The following RIMS2 variants were observed in gnomAD, a reference collection of about 807,000 sequenced individuals.
RIMS2 encodes regulating synaptic membrane exocytosis 2.
A neutral mutation model predicts 174.4 loss-of-function variants in RIMS2; 59 were observed. That is an observed-to-expected ratio of 0.34 (90% CI 0.27 to 0.42). The LOEUF (loss-of-function observed/expected upper bound fraction) is 0.42, where lower values mean the gene tolerates loss of function less well. Among genes scored for constraint, RIMS2 ranks in the 10% least tolerant of loss-of-function variants. RIMS2 has a pLI of 1.00. For synonymous variants in RIMS2, 606 were observed against 572.5 expected, an observed-to-expected ratio of 1.06 and a Z score of -0.84; for missense variants, 1,620 against 1,666.3, an observed-to-expected ratio of 0.97 and a Z score of 0.48.
At chr8:103,920,318 C>G (rs1475989675) in intron 9 of RIMS2, among the ~76,000 whole-genome samples, 1 of 152,046 alleles carries the variant, frequency 6.6e-6, no homozygotes, top group East Asian at 1.9e-4. Flanking sequence ...CCCTACATGC[C>G]TGGATGTTCA....
At chr8:103,882,790 A>G (rs531166109) in intron 3 of RIMS2, among the ~76,000 whole-genome samples, 38 of 151,822 alleles carry the variant, frequency 2.5e-4, no homozygotes, top group Middle Eastern at 6.8e-3. Flanking sequence ...ACTGAATTCC[A>G]TAATAGGAAG....
intron 3 of RIMS2, chr8:103,768,207 G>T (rs2098201646): frequency 2.5e-6 from 1 of 394,734 alleles, no homozygotes; most frequent in African/African-American, 2.1e-5. Context: ...TAAAAAATGA[G>T]TGAATGAATG....
At chr8:104,242,050 A>G (rs1435402424) in intron 19 of RIMS2, among the ~76,000 whole-genome samples, 3 of 152,098 alleles carry the variant, frequency 2.0e-5, no homozygotes, top group African/African-American at 7.2e-5. Context: ...GTGAGCCATC[A>G]TGCCCAGCCT....
intron 16 of RIMS2, among the ~76,000 whole-genome samples, chr8:103,981,142 T>G (rs1011521746): frequency 6.6e-6 from 1 of 152,208 alleles, no homozygotes; most frequent in Non-Finnish European, 1.5e-5. Flanking sequence ...AATGCTGTTC[T>G]GGCTTCAGGT....
chr8:104,060,107 C>G (rs571321975), intron 19 of RIMS2, among the ~76,000 whole-genome samples: 2 of 151,886 alleles, frequency 1.3e-5, no homozygotes, highest in South Asian at 4.2e-4. Flanking sequence ...GGAGGATTCC[C>G]TCTTTTTCTA....
chr8:104,008,668 A>G (rs1286005630), intron 17 of RIMS2, among the ~76,000 whole-genome samples: 1 of 151,934 alleles, frequency 6.6e-6, no homozygotes, highest in Non-Finnish European at 1.5e-5. Flanking sequence ...TTTGATAATA[A>G]AATAATAGGC....
At chr8:103,912,702 G>A (rs568233778) in intron 6 of RIMS2, among the ~76,000 whole-genome samples, 1 of 152,014 alleles carries the variant, frequency 6.6e-6, no homozygotes, top group South Asian at 2.1e-4. Flanking sequence ...TATGCTGGGA[G>A]ATTAAATACA....
At chr8:104,186,140 A>C (rs960391003) in intron 19 of RIMS2, among the ~76,000 whole-genome samples, 2 of 151,808 alleles carry the variant, frequency 1.3e-5, no homozygotes, top group South Asian at 2.1e-4. Flanking sequence ...CAGATGCAGA[A>C]AGGCAAATAC....
At chr8:103,723,465 C>A (rs762521068) in intron 2 of RIMS2, among the ~76,000 whole-genome samples, 5 of 152,192 alleles carry the variant, frequency 3.3e-5, no homozygotes, top group Non-Finnish European at 7.3e-5. Context: ...TGGCTTGGTA[C>A]CTGGGTCAGT....
intron 1 of RIMS2, among the ~76,000 whole-genome samples, chr8:103,635,326 G>A (rs1364581747): frequency 6.6e-6 from 1 of 152,180 alleles, no homozygotes; most frequent in African/African-American, 2.4e-5. Context: ...GTCCCTGGAG[G>A]CTCTGTCCAG....
intron 14 of RIMS2, among the ~76,000 whole-genome samples, chr8:103,956,538 G>T (rs1400798787): frequency 6.6e-6 from 1 of 152,110 alleles, no homozygotes; most frequent in Non-Finnish European, 1.5e-5. Flanking sequence ...TCAGAAAAGT[G>T]GCTAGCCATA....
intron 3 of RIMS2, among the ~76,000 whole-genome samples, chr8:103,837,000 G>A (rs1242523991): frequency 2.6e-5 from 4 of 152,132 alleles, no homozygotes; most frequent in Non-Finnish European, 5.9e-5. Flanking sequence ...TTTTCTCTAC[G>A]TATTTTTTAT....
exon 11 of RIMS2, chr8:103,927,859 A>G (rs751868979): frequency 6.2e-7 from 1 of 1,608,414 alleles, no homozygotes; most frequent in Non-Finnish European, 8.5e-7. Context: ...GCCTTAGTAG[A>G]AGAACAACGC....
chr8:103,817,331 T>TTG (rs149397577), intron 3 of RIMS2, among the ~76,000 whole-genome samples: 23 of 151,764 alleles, frequency 1.5e-4, no homozygotes, highest in African/African-American at 2.9e-4. Flanking sequence ...AGGTGTGCAT[T>TTG]TGTGTGTGTG....
At chr8:103,907,130 T>C (rs1014679020) in intron 4 of RIMS2, among the ~76,000 whole-genome samples, 5 of 152,206 alleles carry the variant, frequency 3.3e-5, no homozygotes, top group Admixed American at 2.0e-4. Flanking sequence ...GGAAGGCTTG[T>C]TAAAATATAG....
At chr8:103,706,871 A>AT (rs1347376068) in intron 2 of RIMS2, among the ~76,000 whole-genome samples, 3 of 151,988 alleles carry the variant, frequency 2.0e-5, no homozygotes, top group South Asian at 2.1e-4. Flanking sequence ...CTTTAAATAC[A>AT]TTTTTTACCC....
intron 1 of RIMS2, among the ~76,000 whole-genome samples, chr8:103,594,107 C>T (rs1293936344): frequency 6.6e-6 from 1 of 151,524 alleles, no homozygotes; most frequent in African/African-American, 2.4e-5. Flanking sequence ...TATTTTTGGG[C>T]GTGTACATGT....
chr8:103,672,870 C>G (rs538674301), intron 1 of RIMS2, among the ~76,000 whole-genome samples: 2 of 152,090 alleles, frequency 1.3e-5, no homozygotes, highest in Admixed American at 1.3e-4. Flanking sequence ...GTCCAAAGTC[C>G]GAAGTTTCAT....
chr8:104,169,906 A>G lies in RIMS2; in HGVS notation c.3335-75010A>G, dbSNP rs186602303. ...AATTTCAAGGAATTTTTTAATTTCC[A>G]TCTTAATTGTTAACCCAAAAATGAT... On this transcript the variant is annotated intron_variant, in intron 19 of 23. Transcript: ENST00000504942. Among the ~76,000 whole-genome samples the G allele has an allele frequency of 2.0e-3, 300 of 152,102 alleles. 1 individual carries two copies. The highest frequency in any genetic ancestry group is 2.5e-3 in the Non-Finnish European group (169 of 67,902).
Sources: allele counts gnomAD v4.1 joint callset (sites outside exome capture counted in the v4.1 genomes callset), GRCh38; gene constraint gnomAD v4.1.1; transcripts MANE v1.5; gene names NCBI Gene and HGNC (gene_info 2026-07-23, HGNC 2026-07-21).